The following WDPCP variants were observed in gnomAD, a reference collection of about 807,000 sequenced individuals.
The protein encoded by WDPCP is WD repeat-containing and planar cell polarity effector protein fritz homolog.
WDPCP carries 71 observed loss-of-function variants against 93.1 expected under a neutral mutation model. That is an observed-to-expected ratio of 0.76 (90% confidence interval 0.63 to 0.93). The LOEUF (loss-of-function observed/expected upper bound fraction) is 0.93. WDPCP is among the 40% of genes least tolerant of loss of function. The pLI, the probability that WDPCP is intolerant of heterozygous loss-of-function variation, is 0.00. For synonymous variants in WDPCP, 315 were observed against 315.0 expected, an observed-to-expected ratio of 1.00 and a Z score of 0.00; for missense variants, 844 against 887.4, an observed-to-expected ratio of 0.95 and a Z score of 0.62.
At chr2:63,675,344 T>C (rs1710392000) in intron 2 of WDPCP, among the ~76,000 whole-genome samples, 1 of 152,212 alleles carries the variant, frequency 6.6e-6, no homozygotes, top group Non-Finnish European at 1.5e-5. Context: ...CTCAAAGCTC[T>C]CTGGGTGTTT....
intron 6 of WDPCP, among the ~76,000 whole-genome samples, chr2:63,472,784 T>G (rs1699769856): frequency 6.6e-6 from 1 of 152,156 alleles, no homozygotes; most frequent in Non-Finnish European, 1.5e-5. Flanking sequence ...GGTCTGGAAC[T>G]CCTGACCTCA....
At chr2:63,137,934 A>G (rs1670745745) in intron 17 of WDPCP, among the ~76,000 whole-genome samples, 1 of 152,080 alleles carries the variant, frequency 6.6e-6, no homozygotes, top group Non-Finnish European at 1.5e-5. Context: ...TTGTACAGGT[A>G]CCATGCTGTT....
intron 9 of WDPCP, among the ~76,000 whole-genome samples, chr2:63,424,504 A>T (rs1696114400): frequency 6.6e-6 from 1 of 152,092 alleles, no homozygotes; most frequent in African/African-American, 2.4e-5. Flanking sequence ...CACAGCCTCC[A>T]CTGCCCAGCC....
chr2:63,547,528 T>A (rs1284907376), intron 1 of WDPCP, among the ~76,000 whole-genome samples: 3 of 150,022 alleles, frequency 2.0e-5, no homozygotes, highest in African/African-American at 7.4e-5. Context: ...CATCAATGGA[T>A]AAACAGATAA....
At chr2:63,324,846 A>G (rs1457537104) in intron 12 of WDPCP, among the ~76,000 whole-genome samples, 3 of 152,202 alleles carry the variant, frequency 2.0e-5, no homozygotes, top group Non-Finnish European at 4.4e-5. Flanking sequence ...GAGAATTAGG[A>G]AAAAGCCCAT....
intron 1 of WDPCP, among the ~76,000 whole-genome samples, chr2:63,515,686 AC>A (rs1264601746): frequency 1.3e-5 from 2 of 152,318 alleles, no homozygotes; most frequent in East Asian, 3.9e-4. Flanking sequence ...TAGAGCCCCT[AC>A]TATGTGTTGA....
At chr2:63,696,125 CA>C (rs1668957908) in intron 2 of WDPCP, among the ~76,000 whole-genome samples, 1 of 152,066 alleles carries the variant, frequency 6.6e-6, no homozygotes, top group African/African-American at 2.4e-5. Context: ...ATAATAAAGG[CA>C]GAAATCTAGA....
chr2:63,258,614 G>A (rs1392374664), intron 14 of WDPCP, among the ~76,000 whole-genome samples: 5 of 152,078 alleles, frequency 3.3e-5, no homozygotes, highest in Non-Finnish European at 7.4e-5. Flanking sequence ...ACAATCCTGA[G>A]GGTTCTTTGC....
intron 3 of WDPCP, chr2:63,594,490 T>G: frequency 6.2e-7 from 1 of 1,612,138 alleles, no homozygotes; most frequent in South Asian, 1.1e-5. Context: ...CATTACAGTC[T>G]GAACCAATCA....
chr2:63,244,024 AC>A (rs1178498409), intron 14 of WDPCP, among the ~76,000 whole-genome samples: 1 of 152,144 alleles, frequency 6.6e-6, no homozygotes, highest in Non-Finnish European at 1.5e-5. Context: ...TTAAAATCAT[AC>A]CAAACGACAC....
intron 13 of WDPCP, among the ~76,000 whole-genome samples, chr2:63,307,981 C>G (rs936739078): frequency 6.6e-6 from 1 of 152,136 alleles, no homozygotes; most frequent in African/African-American, 2.4e-5. Flanking sequence ...ATCCATCTGA[C>G]AAAGGGCTAA....
intron 14 of WDPCP, among the ~76,000 whole-genome samples, chr2:63,226,711 C>T (rs1475195077): frequency 6.6e-6 from 1 of 151,852 alleles, no homozygotes; most frequent in African/African-American, 2.4e-5. Context: ...TATGAGTATA[C>T]TTAATTCTAG....
At chr2:63,595,340 CA>C in intron 3 of WDPCP, 1 of 861,122 alleles carries the variant, frequency 1.2e-6, no homozygotes, top group Non-Finnish European at 2.0e-6. Flanking sequence ...ATGTACATAC[CA>C]AATAAAAACT....
At chr2:63,315,123 G>T (rs1416740813) in intron 12 of WDPCP, among the ~76,000 whole-genome samples, 6 of 152,004 alleles carry the variant, frequency 3.9e-5, no homozygotes, top group Non-Finnish European at 7.4e-5. Flanking sequence ...AATACCAAGG[G>T]GGCCATATCC....
intron 9 of WDPCP, among the ~76,000 whole-genome samples, chr2:63,414,664 G>A (rs184915877): frequency 1.3e-5 from 2 of 152,268 alleles, no homozygotes; most frequent in East Asian, 3.9e-4. Flanking sequence ...CTGATATGTG[G>A]GAGCTAAGTT....
intron 14 of WDPCP, among the ~76,000 whole-genome samples, chr2:63,217,821 A>G (rs985161044): frequency 2.6e-5 from 4 of 152,172 alleles, no homozygotes; most frequent in South Asian, 2.1e-4. Flanking sequence ...ACAGGTGTTT[A>G]TCTTTTCTTA....
intron 1 of WDPCP, among the ~76,000 whole-genome samples, chr2:63,505,644 T>C (rs777065043): frequency 2.6e-5 from 4 of 152,108 alleles, no homozygotes; most frequent in Non-Finnish European, 5.9e-5. Flanking sequence ...AAATAACTGT[T>C]CAATAAATGT....
chr2:63,397,452 G>A (rs1437592724), intron 10 of WDPCP, among the ~76,000 whole-genome samples: 1 of 152,178 alleles, frequency 6.6e-6, no homozygotes, highest in Non-Finnish European at 1.5e-5. Flanking sequence ...ATATGTGGAT[G>A]TGGAGTCAGG....
At chr2:63,438,539 A>AT (rs957758038) in intron 7 of WDPCP, among the ~76,000 whole-genome samples, 3 of 152,202 alleles carry the variant, frequency 2.0e-5, no homozygotes, top group African/African-American at 7.2e-5. Context: ...CCAGTATTTT[A>AT]TTTGCAGTAC....
Sources: gnomAD v4.1 joint callset for allele counts (sites outside exome capture counted in the v4.1 genomes callset) on GRCh38, gnomAD v4.1.1 for gene constraint, MANE v1.5 for transcripts, NCBI Gene and HGNC (gene_info 2026-07-23, HGNC 2026-07-21) for gene names.